Variants in SPTB observed in about 807,000 individuals in gnomAD.
The protein encoded by SPTB is spectrin beta chain, erythrocytic.
In SPTB, 45 loss-of-function variants were observed where a neutral mutation model predicts 256.2. The observed-to-expected ratio is 0.18, with a 90% CI of 0.14 to 0.23. The LOEUF is 0.23. Ranked by LOEUF, SPTB falls within the 10% of genes least tolerant of loss-of-function variation. The probability of loss-of-function intolerance (pLI) is 1.00; values close to 1 mark genes in which losing one functional copy is unlikely to be tolerated. For missense variants in SPTB, 2,715 were observed against 3,040.4 expected (o/e 0.89, Z 2.52); for synonymous variants, 1,231 against 1,243.1 (o/e 0.99, Z 0.21).
chr14:64,858,578 T>G, intron 1 of SPTB, among the ~76,000 whole-genome samples: 2 of 149,854 alleles, frequency 1.3e-5, no homozygotes, highest in African/African-American at 2.5e-5. Flanking sequence ...ACCAAGTGAG[T>G]AGGAGAAAGC....
chr14:64,786,347 C>A lies in SPTB; in HGVS notation c.3561+57G>T, dbSNP rs903634077. ...GTCTTACAGCACATTTGTGGACTCA[C>A]CACAAGAGCTACTGCCCTGAGAGAC... On this transcript the variant is annotated intron_variant, in intron 16 of 35. Coordinates refer to ENST00000644917, the MANE Select transcript of SPTB (RefSeq NM_001355436.2). The surrounding 1 kb of genome is among the most constrained non-coding windows in gnomAD (Gnocchi z 5.6). 8.1e-6 allele frequency: 13 copies of A among 1,608,310 alleles called. No homozygotes were observed. The highest frequency in any genetic ancestry group is 1.7e-5 in the Admixed American group (1 of 60,002).
intron 1 of SPTB, among the ~76,000 whole-genome samples, chr14:64,872,034 G>A (rs770680478): frequency 1.1e-4 from 17 of 152,180 alleles, no homozygotes; most frequent in Admixed American, 2.6e-4. Context: ...CTAAAGCTTC[G>A]CTTCAAACAG....
Position 64,779,905 on chromosome 14 carries a change from T to C in SPTB, c.4293A>G (p.Arg1431=), listed in dbSNP as rs1626923. The C allele has an allele frequency of 0.34, 543,479 of 1,613,268 alleles. 96,736 individuals are homozygous for C. Among genetic ancestry groups the C allele is most frequent in the African/African-American group, 0.64 (47,668 of 74,902 alleles). ...LKRVEDQVNV[R]KEELGELFAQ... is the part of the protein sequence containing the mutation. ...CAAACAGCTCCCCCAGCTCCTCTTT[T>C]CGCACATTCACTTGGTCCTCCACTC... is the stretch of plus-strand genomic sequence containing the variant. The change falls in exon 21 of 36, where the codon CGA becomes CGG. Residue 1431 remains arginine, a synonymous_variant. Coordinates refer to ENST00000644917, the MANE Select transcript of SPTB (RefSeq NM_001355436.2). This position sits in a 1 kb window ranked among gnomAD's most constrained non-coding sequence, Gnocchi z 4.2.
At chr14:64,789,062 T>C (rs974568884) in intron 15 of SPTB, among the ~76,000 whole-genome samples, 13 of 152,100 alleles carry the variant, frequency 8.5e-5, no homozygotes, top group Admixed American at 7.2e-4. Context: ...GACAAAGAAC[T>C]ATGCAGGCTG....
At chr14:64,750,715 G>A (rs544777765) in intron 33 of SPTB, among the ~76,000 whole-genome samples, 331 of 151,512 alleles carry the variant, frequency 2.2e-3, no homozygotes, top group African/African-American at 7.7e-3. Context: ...GGCGAAGCTT[G>A]TAGTGAGCCG....
intron 1 of SPTB, among the ~76,000 whole-genome samples, chr14:64,859,702 CTCTCTCTCTCTCTCTCTCTATA>C (rs2083928692): frequency 6.6e-5 from 1 of 15,162 alleles, no homozygotes; most frequent in Admixed American, 5.9e-4. Context: ...CTGTCTCTCT[CTCTCTCTCTCTCTCTCTCTATA>C]TATATATATA....
chr14:64,787,747 C>A (rs2269303), intron 15 of SPTB, among the ~76,000 whole-genome samples: 1 of 152,194 alleles, frequency 6.6e-6, no homozygotes, highest in African/African-American at 2.4e-5. Flanking sequence ...ATAATCTTAA[C>A]CTTCGAGTGC....
chr14:64,761,473 CTTA>C (rs1438740562), intron 32 of SPTB, among the ~76,000 whole-genome samples: 3 of 152,082 alleles, frequency 2.0e-5, no homozygotes. Context: ...GGGAAAGGCT[CTTA>C]TGAGAAGTGG....
intron 32 of SPTB, chr14:64,754,815 T>G (rs1017709145): frequency 6.6e-6 from 1 of 152,236 alleles, no homozygotes; most frequent in Non-Finnish European, 1.5e-5. Context: ...TGATCTGCCC[T>G]TTTGCCTGTT....
At chr14:64,858,411 C>A (rs2083906241) in intron 1 of SPTB, among the ~76,000 whole-genome samples, 1 of 152,128 alleles carries the variant, frequency 6.6e-6, no homozygotes, top group Admixed American at 6.5e-5. Flanking sequence ...AAGAAAGGCA[C>A]CATCTAGAGA....
chr14:64,768,984 C>A (rs2082235393), intron 29 of SPTB, 50 bp downstream of exon 29: 2 of 1,464,990 alleles, frequency 1.4e-6, no homozygotes, highest in African/African-American at 1.4e-5. Flanking sequence ...TTCCCCTACT[C>A]CTGCGGGGGT....
At chr14:64,809,199 T>G (rs1232336035) in intron 2 of SPTB, among the ~76,000 whole-genome samples, 2 of 136,574 alleles carry the variant, frequency 1.5e-5, no homozygotes, top group Non-Finnish European at 3.1e-5. Context: ...GAGGCAGAGG[T>G]TGCAGTGAGC....
At chr14:64,763,640 C>T (rs94788) in intron 32 of SPTB, 122,597 of 484,608 alleles carry the variant, frequency 0.25, 19,713 homozygotes, top group African/African-American at 0.6. Flanking sequence ...TCTCAAATCA[C>T]GCAGGAAGTT....
At chr14:64,751,354 A>G (rs1157975358) in intron 33 of SPTB, among the ~76,000 whole-genome samples, 1 of 152,022 alleles carries the variant, frequency 6.6e-6, no homozygotes, top group Non-Finnish European at 1.5e-5. Flanking sequence ...TCCTGACCTC[A>G]GGCGATCCAC....
intron 24 of SPTB, among the ~76,000 whole-genome samples, 158 bp downstream of exon 24, chr14:64,774,239 G>A (rs1361540949): frequency 6.6e-6 from 1 of 152,168 alleles, no homozygotes; most frequent in Non-Finnish European, 1.5e-5. Flanking sequence ...GGCATAAAAT[G>A]AAATTGGATC....
At chr14:64,794,720 G>C in intron 12 of SPTB, 103 bp from the exon 13 acceptor site, 1 of 1,494,600 alleles carries the variant, frequency 6.7e-7, no homozygotes, top group Non-Finnish European at 9.2e-7. Flanking sequence ...ATCTGAGCAA[G>C]GGTGAGCCAA....
At chr14:64,814,491 T>C (rs551102358) in intron 2 of SPTB, among the ~76,000 whole-genome samples, 2 of 152,300 alleles carry the variant, frequency 1.3e-5, no homozygotes, top group South Asian at 4.1e-4. Context: ...GTTAAAAAGA[T>C]ATCAAAGTAA....
Position 64,770,979 on chromosome 14 carries a change from T to G in SPTB, c.5704A>C (p.Thr1902Pro). Residue 1902 changes from threonine (T) to proline (P), a missense_variant, in exon 27 of 36, where the codon ACG becomes CCG. Around this residue, in one of 4 missense-constraint regions of SPTB, gnomAD observed 2,239 missense variants for 2,384.4 expected, o/e 0.94. Transcript: ENST00000644917. ...CAGRRTQLVD[T>P]ADKFRFFSMA... Reference sequence around the variant, plus strand: ...CTGAAGAAGCGGAATTTATCCGCCGTGTCCACTAGCTGGGTCCGGCGCCCG... The same window carrying G: ...CTGAAGAAGCGGAATTTATCCGCCGGGTCCACTAGCTGGGTCCGGCGCCCG... 1 of 1,614,130 alleles carries G rather than the reference T, an allele frequency of 6.2e-7. No individual in the cohort carries two copies. The highest frequency in any genetic ancestry group is 1.3e-5 in the African/African-American group (1 of 75,072).
Position 64,753,688 on chromosome 14 carries a change from G to T in SPTB, c.6451C>A (p.Pro2151Thr). Residue 2151 changes from proline (P) to threonine (T), a missense_variant, in exon 33 of 36, where the codon CCC becomes ACC. Around this residue, in one of 4 missense-constraint regions of SPTB, gnomAD observed 2,239 missense variants for 2,384.4 expected, o/e 0.94. Coordinates refer to ENST00000644917, the MANE Select transcript of SPTB (RefSeq NM_001355436.2). ...GGCGTATCTAGGACCTTAAAGAGGG[G>T]CTCCGTGGTGGGCCTCTCATCCCCA... Reference protein sequence around the residue: ...STGDERPTTEPLFKVLDTPLS... With the variant: ...STGDERPTTETLFKVLDTPLS... 6.2e-7 allele frequency: 1 copy of T among 1,613,748 alleles called. No homozygotes were observed. Among genetic ancestry groups the T allele is most frequent in the Non-Finnish European group, 8.5e-7 (1 of 1,180,036 alleles).
Sources: allele counts gnomAD v4.1 joint callset (sites outside exome capture counted in the v4.1 genomes callset), GRCh38; gene constraint gnomAD v4.1.1; regional missense constraint gnomAD v4.1.1; non-coding constraint Gnocchi (gnomAD v3.1); transcripts MANE v1.5; gene names NCBI Gene and HGNC (gene_info 2026-07-23, HGNC 2026-07-21).